Variants in NKAIN3 observed in about 807,000 individuals in gnomAD.
NKAIN3 encodes the protein sodium/potassium transporting ATPase interacting 3, also known as sodium/potassium-transporting ATPase subunit beta-1-interacting protein 3.
Under a neutral mutation model 30.2 loss-of-function variants are expected in NKAIN3, and 25 were observed. That is an observed-to-expected ratio of 0.83 (90% CI 0.60 to 1.16). NKAIN3 has a LOEUF of 1.16. Ranked by LOEUF, NKAIN3 falls within the 50% of genes most tolerant of loss-of-function variation. The pLI, the probability that NKAIN3 is intolerant of heterozygous loss-of-function variation, is 0.00. For missense variants in NKAIN3, 225 were observed against 254.1 expected, an observed-to-expected ratio of 0.89 and a Z score of 0.78; for synonymous variants, 91 against 89.6, an observed-to-expected ratio of 1.02 and a Z score of -0.09.
chr8:62,481,839 C>T (rs1245638201), intron 1 of NKAIN3, among the ~76,000 whole-genome samples: 1 of 152,160 alleles, frequency 6.6e-6, no homozygotes, highest in South Asian at 2.1e-4. Context: ...TAACTGTGAA[C>T]AGGTTAGACT....
At chr8:62,855,981 C>A in intron 4 of NKAIN3, 1 of 692,330 alleles carries the variant, frequency 1.4e-6, no homozygotes. Context: ...GGTTGAGCTC[C>A]CAATCACCAG....
chr8:62,992,858 C>T (rs981508479), intron 5 of NKAIN3, among the ~76,000 whole-genome samples: 1 of 152,090 alleles, frequency 6.6e-6, no homozygotes, highest in Admixed American at 6.6e-5. Context: ...AAGTTGAATC[C>T]TATACTTGCC....
chr8:62,845,285 T>TTTTATATA (rs1554583723), intron 4 of NKAIN3, among the ~76,000 whole-genome samples: 21 of 68,930 alleles, frequency 3.0e-4, no homozygotes, highest in African/African-American at 9.7e-4. Flanking sequence ...GGATAGTAGA[T>TTTTATATA]TATATATATA....
chr8:62,871,640 G>T (rs1213268533), intron 4 of NKAIN3, among the ~76,000 whole-genome samples: 1 of 152,224 alleles, frequency 6.6e-6, no homozygotes, highest in African/African-American at 2.4e-5. Flanking sequence ...ATGCCCTTCT[G>T]GGGGCCAAGC....
intron 4 of NKAIN3, among the ~76,000 whole-genome samples, chr8:62,906,514 T>A (rs995943645): frequency 6.6e-6 from 1 of 152,184 alleles, no homozygotes; most frequent in Non-Finnish European, 1.5e-5. Flanking sequence ...GTGATATGGT[T>A]TGGCTGTGTC....
chr8:62,360,675 T>G (rs1409070149), intron 1 of NKAIN3, among the ~76,000 whole-genome samples: 1 of 152,122 alleles, frequency 6.6e-6, no homozygotes, highest in East Asian at 1.9e-4. Flanking sequence ...TGAATATCTT[T>G]GTTAATTTTC....
intron 4 of NKAIN3, among the ~76,000 whole-genome samples, chr8:62,762,254 T>G (rs1273852849): frequency 6.6e-6 from 1 of 151,708 alleles, no homozygotes; most frequent in Non-Finnish European, 1.5e-5. Context: ...AGGTGGAAGT[T>G]GCAGTGAGCC....
At chr8:62,287,580 T>C (rs1478534116) in intron 1 of NKAIN3, among the ~76,000 whole-genome samples, 1 of 152,172 alleles carries the variant, frequency 6.6e-6, no homozygotes, top group Non-Finnish European at 1.5e-5. Context: ...GATCTCTTTA[T>C]TTAACAACAG....
chr8:62,649,040 G>T (rs1189584681), intron 3 of NKAIN3, among the ~76,000 whole-genome samples: 1 of 152,206 alleles, frequency 6.6e-6, no homozygotes, highest in African/African-American at 2.4e-5. Context: ...TGGATAATGT[G>T]TAAACTGGGT....
chr8:62,784,170 T>A (rs1414950860), intron 4 of NKAIN3, among the ~76,000 whole-genome samples: 1 of 151,894 alleles, frequency 6.6e-6, no homozygotes, highest in Non-Finnish European at 1.5e-5. Flanking sequence ...AATGGACATA[T>A]TAGAAATGAA....
chr8:62,623,647 T>C (rs1388347432), intron 3 of NKAIN3, among the ~76,000 whole-genome samples: 4 of 152,120 alleles, frequency 2.6e-5, no homozygotes, highest in African/African-American at 9.6e-5. Flanking sequence ...TCTAAAGAAC[T>C]ACTTGAAAGG....
intron 2 of NKAIN3, among the ~76,000 whole-genome samples, chr8:62,585,328 A>G (rs1037489041): frequency 2.0e-5 from 3 of 152,206 alleles, no homozygotes; most frequent in Non-Finnish European, 2.9e-5. Flanking sequence ...CCTTCCAGGT[A>G]CCATCACACT....
At chr8:62,489,305 G>A (rs746531932) in intron 1 of NKAIN3, among the ~76,000 whole-genome samples, 12 of 152,040 alleles carry the variant, frequency 7.9e-5, no homozygotes, top group Non-Finnish European at 1.6e-4. Flanking sequence ...GATTAGAGGC[G>A]TGAGCCACCA....
chr8:62,703,933 A>G (rs1407026475), intron 3 of NKAIN3, among the ~76,000 whole-genome samples: 1 of 152,208 alleles, frequency 6.6e-6, no homozygotes, highest in South Asian at 2.1e-4. Context: ...AGCTTGTAGC[A>G]TTTGCTCTCT....
intron 4 of NKAIN3, among the ~76,000 whole-genome samples, chr8:62,884,831 A>G (rs1821095302): frequency 6.6e-6 from 1 of 151,336 alleles, no homozygotes; most frequent in Non-Finnish European, 1.5e-5. Context: ...CCCCTCTTTC[A>G]GTTTTGATGT....
chr8:62,251,835 TTCCGTC>T lies in NKAIN3; in HGVS notation c.54+2709_54+2714del, dbSNP rs1812114799. On this transcript the variant is annotated intron_variant, in intron 1 of 6. Transcript: ENST00000623646. ...ATTTCAAGTATACTTTATATAGCAT[TTCCGTC>T]ATATACATAAGATAGGCCTAACCTC... 2.0e-5 allele frequency among the ~76,000 whole-genome samples: 3 copies of T among 152,168 alleles called. No individual in the cohort carries two copies. In the South Asian group the frequency reaches 6.2e-4, roughly 31 times the overall value.
chr8:62,737,537 G>T (rs1425435752), intron 3 of NKAIN3, among the ~76,000 whole-genome samples: 1 of 151,960 alleles, frequency 6.6e-6, no homozygotes, highest in Non-Finnish European at 1.5e-5. Flanking sequence ...ATTGTGCTTT[G>T]TCTTTAGAAT....
chr8:62,758,197 C>T (rs1816518591), intron 4 of NKAIN3, among the ~76,000 whole-genome samples: 1 of 152,046 alleles, frequency 6.6e-6, no homozygotes, highest in Non-Finnish European at 1.5e-5. Context: ...ACAAAAAAAA[C>T]TCACGGAAAA....
intron 3 of NKAIN3, among the ~76,000 whole-genome samples, chr8:62,654,454 G>T (rs750471023): frequency 2.6e-5 from 4 of 152,084 alleles, no homozygotes; most frequent in Non-Finnish European, 5.9e-5. Context: ...CAAATCCACT[G>T]TCGGCACATC....
Sources: allele counts gnomAD v4.1 joint callset (sites outside exome capture counted in the v4.1 genomes callset), GRCh38; gene constraint gnomAD v4.1.1; transcripts MANE v1.5; gene names NCBI Gene and HGNC (gene_info 2026-07-23, HGNC 2026-07-21).